Variants in ISY1 observed in about 807,000 individuals in gnomAD.
The protein encoded by ISY1 is pre-mRNA-splicing factor ISY1 homolog.
Under a neutral mutation model 54.4 loss-of-function variants are expected in ISY1, and 12 were observed. The ratio of observed to expected loss-of-function variants is 0.22; its 90% confidence interval spans 0.14 to 0.36. ISY1 has a LOEUF of 0.36. ISY1 is among the 10% of genes least tolerant of loss of function. The probability of loss-of-function intolerance (pLI) is 1.00; values close to 1 mark genes in which losing one functional copy is unlikely to be tolerated. For missense variants in ISY1, 282 were observed against 342.2 expected, an observed-to-expected ratio of 0.82 and a Z score of 1.39; for synonymous variants, 96 against 117.9, an observed-to-expected ratio of 0.81 and a Z score of 1.20.
At chr3:129,155,329 G>C (rs929419944) in intron 5 of ISY1, among the ~76,000 whole-genome samples, 4 of 151,682 alleles carry the variant, frequency 2.6e-5, no homozygotes, top group African/African-American at 9.7e-5. Context: ...TGAGTAGCTG[G>C]GATTACAGGC....
chr3:129,154,997 A>G (rs1431712265), intron 5 of ISY1, among the ~76,000 whole-genome samples: 1 of 151,290 alleles, frequency 6.6e-6, no homozygotes, highest in African/African-American at 2.4e-5. Context: ...AATTTTATTG[A>G]TCTTTTCAAA....
chr3:129,159,050 G>A, intron 2 of ISY1, 104 bp downstream of exon 2: 1 of 1,408,412 alleles, frequency 7.1e-7, no homozygotes, highest in Non-Finnish European at 9.8e-7. Flanking sequence ...GAAAGAAACA[G>A]CTTCTCAAAA....
intron 5 of ISY1, among the ~76,000 whole-genome samples, chr3:129,148,872 A>C (rs1936850960): frequency 6.6e-6 from 1 of 152,140 alleles, no homozygotes; most frequent in Non-Finnish European, 1.5e-5. Context: ...CCCACCCTAC[A>C]TATTTTCTTT....
intron 5 of ISY1, among the ~76,000 whole-genome samples, chr3:129,154,762 C>T (rs972443688): frequency 6.7e-5 from 10 of 149,244 alleles, no homozygotes; most frequent in African/African-American, 2.5e-4. Context: ...GATCTCAGCT[C>T]ACTGCAAGCT....
chr3:129,136,009 A>G (rs1219653898), intron 7 of ISY1, among the ~76,000 whole-genome samples: 1 of 152,204 alleles, frequency 6.6e-6, no homozygotes, highest in Non-Finnish European at 1.5e-5. Flanking sequence ...AGTAAATAAA[A>G]AAGACAAAAG....
At chr3:129,151,108 G>T (rs970046456) in intron 5 of ISY1, among the ~76,000 whole-genome samples, 10 of 145,228 alleles carry the variant, frequency 6.9e-5, no homozygotes, top group African/African-American at 2.6e-4. Flanking sequence ...GGTGACAGAG[G>T]AAGACTCTGT....
chr3:129,135,038 C>A, intron 7 of ISY1, 84 bp from the exon 8 acceptor site: 1 of 1,467,776 alleles, frequency 6.8e-7, no homozygotes. Context: ...GCTATACACA[C>A]ACGTGGCACG....
intron 1 of ISY1, among the ~76,000 whole-genome samples, chr3:129,159,580 G>A (rs1937243748): frequency 6.6e-6 from 1 of 152,112 alleles, no homozygotes; most frequent in Non-Finnish European, 1.5e-5. Context: ...TGGTATTTGG[G>A]GAAAATAAGT....
chr3:129,152,053 G>C (rs528460637), intron 5 of ISY1, among the ~76,000 whole-genome samples: 57 of 152,138 alleles, frequency 3.7e-4, no homozygotes, highest in African/African-American at 1.3e-3. Context: ...CAGCTACTCG[G>C]GAGGCTGAGG....
At position 129,156,673 on chromosome 3, in the gene ISY1, G is replaced by T. The variant is rs139386574; in HGVS notation, c.147C>A (p.Ile49=). The part of the protein sequence containing the change: ...LPKAEKWRRQ[I]IGEISKKVAQ... ...CCACTTTTTTAGAGATCTCTCCAAT[G>T]ATCTATTAAAAAAAAGTAATACATT... The change falls in exon 5 of 11, where the codon ATC becomes ATA. Residue 49 remains isoleucine (I), a splice_region_variant and synonymous_variant. Transcript: ENST00000393295. 1 of 1,606,176 alleles carries T rather than the reference G, an allele frequency of 6.2e-7. No individual in the cohort carries two copies. Among genetic ancestry groups the T allele is most frequent in the African/African-American group, 1.3e-5 (1 of 74,626 alleles).
At chr3:129,130,835 T>C (rs1038889315) in intron 9 of ISY1, 199 bp from the exon 10 acceptor site, 13 of 460,918 alleles carry the variant, frequency 2.8e-5, no homozygotes, top group Non-Finnish European at 4.4e-5. Context: ...ACCTTTTGTC[T>C]AAGGAGGAAA....
intron 5 of ISY1, among the ~76,000 whole-genome samples, chr3:129,153,056 C>G (rs1336108954): frequency 7.0e-6 from 1 of 143,756 alleles, no homozygotes; most frequent in African/African-American, 2.6e-5. Context: ...GTCACCCAGG[C>G]TGGAGTGCAG....
intron 1 of ISY1, among the ~76,000 whole-genome samples, chr3:129,160,602 G>A (rs916157181): frequency 6.6e-6 from 1 of 151,996 alleles, no homozygotes; most frequent in African/African-American, 2.4e-5. Flanking sequence ...AATAATCCCA[G>A]AAACATATAG....
chr3:129,156,801 G>T (rs371553602), intron 4 of ISY1, 54 bp downstream of exon 4: 20 of 1,590,896 alleles, frequency 1.3e-5, no homozygotes, highest in Non-Finnish European at 1.7e-5. Flanking sequence ...TAGATAATAA[G>T]AAGAAATGAG....
At chr3:129,156,797 AT>A in intron 4 of ISY1, 57 bp downstream of exon 4, 1 of 1,589,040 alleles carries the variant, frequency 6.3e-7, no homozygotes, top group Non-Finnish European at 8.5e-7. Context: ...CATTTAGATA[AT>A]AAGAAGAAAT....
Position 129,158,520 on chromosome 3 carries a change from C to G in ISY1, c.66G>C (p.Glu22Asp), listed in dbSNP as rs1341257435. Residue 22 changes from glutamate to aspartate, a missense_variant, in exon 3 of 11, where the codon GAG becomes GAC. By Grantham distance (45) the Glu-to-Asp change is conservative. Coordinates refer to ENST00000393295, the MANE Select transcript of ISY1 (RefSeq NM_020701.4). ...GATTTACACCAACCTTCACTTTTCC[C>G]TCTTCCAGCTGAGCCTGGCGAAATC... ...LARFRQAQLEEGKVKERRPFL... is the reference protein window; with the variant it reads ...LARFRQAQLEDGKVKERRPFL... 1.9e-6 allele frequency: 3 copies of G among 1,613,966 alleles called. No homozygotes were observed. In the South Asian group the frequency reaches 3.3e-5, roughly 18 times the overall value.
chr3:129,158,642 G>C (rs1337730678), intron 2 of ISY1, 83 bp from the exon 3 acceptor site: 1 of 1,561,912 alleles, frequency 6.4e-7, no homozygotes, highest in African/African-American at 1.4e-5. Context: ...GTATGGGGTA[G>C]ATCTGCTTAT....
At chr3:129,141,181 G>C (rs1225003452) in intron 6 of ISY1, among the ~76,000 whole-genome samples, 1 of 139,262 alleles carries the variant, frequency 7.2e-6, no homozygotes, top group East Asian at 2.2e-4. Flanking sequence ...CTCCAGCCAG[G>C]GCTGGAGTAA....
chr3:129,133,957 G>C, intron 9 of ISY1, 117 bp downstream of exon 9: 1 of 1,523,580 alleles, frequency 6.6e-7, no homozygotes, highest in Admixed American at 1.9e-5. Flanking sequence ...CATCCTGCAG[G>C]TGAGCAAGCT....
Sources: allele counts gnomAD v4.1 joint callset (sites outside exome capture counted in the v4.1 genomes callset), GRCh38; gene constraint gnomAD v4.1.1; transcripts MANE v1.5; gene names NCBI Gene and HGNC (gene_info 2026-07-23, HGNC 2026-07-21).